The following VAX2 variants were observed in gnomAD, a reference collection of about 807,000 sequenced individuals.
VAX2 encodes the protein ventral anterior homeobox 2.
A neutral mutation model predicts 12.5 loss-of-function variants in VAX2; 8 were observed. The ratio of observed to expected loss-of-function variants is 0.64; its 90% CI spans 0.37 to 1.15. The LOEUF (loss-of-function observed/expected upper bound fraction) is 1.15, where lower values mean the gene tolerates loss of function less well. Ranked by LOEUF, VAX2 falls within the 50% of genes most tolerant of loss-of-function variation. The probability of loss-of-function intolerance (pLI) is 0.01; values close to 1 mark genes in which losing one functional copy is unlikely to be tolerated. For synonymous variants in VAX2, 183 were observed against 187.6 expected (o/e 0.98, Z 0.20); for missense variants, 476 against 412.9 (o/e 1.15, Z -1.32).
chr2:70,925,894 TTCCTC>T (rs1197271129), intron 2 of VAX2, among the ~76,000 whole-genome samples: 9 of 152,136 alleles, frequency 5.9e-5, no homozygotes, highest in Non-Finnish European at 1.0e-4. Context: ...TCTCTGTTTC[TTCCTC>T]TCCTCTCCTC....
At chr2:70,919,716 G>T (rs1679405042) in intron 1 of VAX2, among the ~76,000 whole-genome samples, 1 of 152,084 alleles carries the variant, frequency 6.6e-6, no homozygotes, top group Non-Finnish European at 1.5e-5. Context: ...GCAGGGCGTG[G>T]TGGTGTGCTC....
chr2:70,930,417 C>T lies in VAX2; in HGVS notation c.436-2350C>T, dbSNP rs148855747. On this transcript the variant is annotated intron_variant, in intron 2 of 2. Coordinates refer to ENST00000234392, the MANE Select transcript of VAX2 (RefSeq NM_012476.3). ...CCTGCTGAAGAACTACAAAAGGACC[C>T]CTGCCCACTCTTTACCTCCTCCCAG... 4.4e-3 allele frequency among the ~76,000 whole-genome samples: 663 copies of T among 152,256 alleles called. 5 individuals are homozygous for T. The highest frequency in any genetic ancestry group is 0.015 in the African/African-American group (625 of 41,536).
Position 70,932,769 on chromosome 2 carries a change from G to T in VAX2, c.438G>T (p.Val146=). The change falls in exon 3 of 3, where the codon GTG becomes GTT. Residue 146 remains valine (V), a splice_region_variant and synonymous_variant. Transcript: ENST00000234392. ...ARQLNLSETQ[V]KVWFQNRRTK... is the part of the protein sequence containing the mutation. Reference sequence around the variant, plus strand: ...GACACCCCCTCCCCCACCCCAAGGTGAAGGTCTGGTTCCAGAACCGCCGCA... The same window carrying T: ...GACACCCCCTCCCCCACCCCAAGGTTAAGGTCTGGTTCCAGAACCGCCGCA... 6.5e-7 allele frequency: 1 copy of T among 1,542,094 alleles called. No homozygotes were observed. Among genetic ancestry groups the T allele is most frequent in the Non-Finnish European group, 8.8e-7 (1 of 1,141,862 alleles).
chr2:70,923,638 G>A lies in VAX2; in HGVS notation c.435+2353G>A, dbSNP rs957973164. 7.9e-5 allele frequency among the ~76,000 whole-genome samples: 12 copies of A among 152,024 alleles called. No individual in the cohort carries two copies. In the South Asian group the frequency reaches 8.3e-4, roughly 11 times the overall value. ...AGGTTTGACAATTCACTAGAATGACGCACACAACTCAGGAAACACCTCCCC... is the reference window on the plus strand; with the variant it reads ...AGGTTTGACAATTCACTAGAATGACACACACAACTCAGGAAACACCTCCCC... On this transcript the variant is annotated intron_variant, in intron 2 of 2. Coordinates refer to ENST00000234392, the MANE Select transcript of VAX2 (RefSeq NM_012476.3).
intron 2 of VAX2, among the ~76,000 whole-genome samples, chr2:70,923,387 G>A (rs1368817327): frequency 6.6e-6 from 1 of 152,166 alleles, no homozygotes; most frequent in Non-Finnish European, 1.5e-5. Context: ...TCCAACACCA[G>A]GTGTATGGTA....
At chr2:70,923,363 T>C (rs1679504081) in intron 2 of VAX2, among the ~76,000 whole-genome samples, 1 of 152,174 alleles carries the variant, frequency 6.6e-6, no homozygotes, top group Admixed American at 6.5e-5. Context: ...ATGGGATACG[T>C]GTGAGATTTT....
chr2:70,930,553 T>C (rs577616021), intron 2 of VAX2, among the ~76,000 whole-genome samples: 169 of 152,296 alleles, frequency 1.1e-3, no homozygotes, highest in Non-Finnish European at 2.0e-3. Flanking sequence ...GAGGCAGAGA[T>C]CTTTTTAAAA....
intron 1 of VAX2, among the ~76,000 whole-genome samples, chr2:70,909,602 T>C (rs1679139655): frequency 6.6e-6 from 1 of 152,182 alleles, no homozygotes; most frequent in Non-Finnish European, 1.5e-5. Flanking sequence ...AATTGAAAAA[T>C]ATAAATATGT....
In VAX2 at chr2:70,904,647, G is replaced by A. The variant is rs1476586134; in HGVS notation, c.247+3779G>A. On this transcript the variant is annotated intron_variant, in intron 1 of 2. Transcript: ENST00000234392. The surrounding 1 kb of genome is among the most constrained non-coding windows in gnomAD (Gnocchi z 4.2). ...CCCCTGTGTCTGGGAGCAGTAGGGT[G>A]GGATGACTGCAGGATCCCTTGAAGA... is the stretch of plus-strand genomic sequence containing the variant. 4.6e-5 allele frequency among the ~76,000 whole-genome samples: 7 copies of A among 152,212 alleles called. No individual in the cohort carries two copies. Among genetic ancestry groups the A allele is most frequent in the Non-Finnish European group, 7.3e-5 (5 of 68,034 alleles).
At chr2:70,907,358 T>TCCAA (rs1679084156) in intron 1 of VAX2, among the ~76,000 whole-genome samples, 1 of 152,238 alleles carries the variant, frequency 6.6e-6, no homozygotes. Flanking sequence ...GGCTTTCGGC[T>TCCAA]TTCGGCTTTC....
Position 70,917,276 on chromosome 2 carries a change from T to G in VAX2, c.248-3822T>G, listed in dbSNP as rs1422496227. Among the ~76,000 whole-genome samples the G allele has an allele frequency of 2.0e-5, 3 of 151,258 alleles. No homozygotes were observed. The East Asian group carries it at 5.8e-4, about 29-fold the overall frequency. Reference sequence around the variant, plus strand: ...GGTGGAGGTTGCAGTGAGCTAAGATTGCACCACTGCACTCCAGCCTGGGGG... The same window carrying G: ...GGTGGAGGTTGCAGTGAGCTAAGATGGCACCACTGCACTCCAGCCTGGGGG... On this transcript the variant is annotated intron_variant, in intron 1 of 2. Transcript: ENST00000234392.
chr2:70,929,160 T>A (rs1324087716), intron 2 of VAX2, among the ~76,000 whole-genome samples: 1 of 152,236 alleles, frequency 6.6e-6, no homozygotes, highest in Non-Finnish European at 1.5e-5. Context: ...TGCCTTCAGC[T>A]AGACTTGGCT....
Position 70,900,706 on chromosome 2 carries a change from A to T in VAX2, c.85A>T (p.Ser29Cys). The T allele has an allele frequency of 1.5e-5, 21 of 1,363,184 alleles. No homozygotes were observed. The highest frequency in any genetic ancestry group is 2.0e-5 in the Non-Finnish European group (21 of 1,055,350). The allele number at this position is 1,363,184 out of a possible 1,614,324, so 84.4% of individuals were successfully genotyped here. A position where few individuals can be genotyped will look rare whatever the true frequency, so the allele number is the denominator to read the frequency against. Residue 29 changes from serine (S) to cysteine (C), a missense_variant, in exon 1 of 3, where the codon AGC (serine) becomes TGC (cysteine). Transcript: ENST00000234392. ...GGGGGRCGDR[S>C]GAGDLRADGG... The stretch of plus-strand genomic sequence containing the variant: ...CGGCGGTGGGCGCTGCGGAGACCGC[A>T]GCGGAGCGGGGGACTTGCGAGCTGA...
chr2:70,913,312 CCTTAT>C (rs1379965812), intron 1 of VAX2, among the ~76,000 whole-genome samples: 2 of 152,146 alleles, frequency 1.3e-5, no homozygotes, highest in Non-Finnish European at 1.5e-5. Context: ...GGTAATATCC[CCTTAT>C]CTTATTTTAT....
intron 1 of VAX2, among the ~76,000 whole-genome samples, chr2:70,907,322 C>T (rs1227235169): frequency 6.6e-6 from 1 of 152,250 alleles, no homozygotes; most frequent in African/African-American, 2.4e-5. Flanking sequence ...CGCTGGGCCG[C>T]TCGTAAAGTC....
chr2:70,918,828 A>AGAGCTGAAATT (rs113936482), intron 1 of VAX2, among the ~76,000 whole-genome samples: 110,283 of 138,624 alleles, frequency 0.8, 44,469 homozygotes, highest in African/African-American at 0.93. Flanking sequence ...CCCTGGAGGC[A>AGAGCTGAAATT]GAGCTGAAAT....
At chr2:70,929,699 C>T (rs1232825892) in intron 2 of VAX2, among the ~76,000 whole-genome samples, 1 of 93,640 alleles carries the variant, frequency 1.1e-5, no homozygotes, top group Non-Finnish European at 2.2e-5. Context: ...AAAAAAAAAA[C>T]AATGTATATA....
rs1042399892 is a variant in VAX2, at chr2:70,906,067, C to T, written c.247+5199C>T. On this transcript the variant is annotated intron_variant, in intron 1 of 2. Transcript: ENST00000234392. ...ACAAATAATGCTAGACCTGACTACC[C>T]TTGGAGAGCCAGTAGCCGGTTACCT... Among the ~76,000 whole-genome samples, 6 of 152,226 alleles carry T rather than the reference C, an allele frequency of 3.9e-5. No individual in the cohort carries two copies. In the East Asian group the frequency reaches 1.2e-3, roughly 29 times the overall value.
chr2:70,932,404 C>G (rs1288258898), intron 2 of VAX2, among the ~76,000 whole-genome samples: 6 of 152,102 alleles, frequency 3.9e-5, no homozygotes, highest in African/African-American at 1.4e-4. Flanking sequence ...AGGCTGTGAA[C>G]TTGACTTTGA....
Sources: gnomAD v4.1 joint callset for allele counts (sites outside exome capture counted in the v4.1 genomes callset) on GRCh38, gnomAD v4.1.1 for gene constraint, Gnocchi (gnomAD v3.1) non-coding constraint, MANE v1.5 for transcripts, NCBI Gene and HGNC (gene_info 2026-07-23, HGNC 2026-07-21) for gene names.